RET: variants seen among roughly 807,000 people sequenced by gnomAD.
RET encodes the protein ret proto-oncogene.
In RET, 19 loss-of-function variants were observed where a neutral mutation model predicts 118.3. The observed-to-expected ratio is 0.16, with a 90% confidence interval of 0.11 to 0.24. The LOEUF is 0.24. Ranked by LOEUF, RET falls within the 10% of genes least tolerant of loss-of-function variation. The pLI, the probability that RET is intolerant of heterozygous loss-of-function variation, is 1.00. For missense variants in RET, 1,219 were observed against 1,502.1 expected (o/e 0.81, Z 3.12); for synonymous variants, 597 against 644.1 (o/e 0.93, Z 1.11).
intron 11 of RET, among the ~76,000 whole-genome samples, chr10:43,116,315 G>A (rs1838068679): frequency 6.6e-6 from 1 of 152,228 alleles, no homozygotes; most frequent in African/African-American, 2.4e-5. Context: ...GGTCAGGGGA[G>A]ACAGTAGACC....
At chr10:43,094,671 C>G (rs766440347) in intron 1 of RET, among the ~76,000 whole-genome samples, 12 of 152,180 alleles carry the variant, frequency 7.9e-5, no homozygotes, top group Non-Finnish European at 1.3e-4. Context: ...AGCTGGTGAG[C>G]CCCTGCCTCC....
At position 43,106,956 on chromosome 10, in the gene RET, C is replaced by T. The variant is rs1837795358; in HGVS notation, c.1063+385C>T. Among the ~76,000 whole-genome samples, 1 of 152,230 alleles carries T rather than the reference C, an allele frequency of 6.6e-6. No individual in the cohort carries two copies. Among genetic ancestry groups the T allele is most frequent in the African/African-American group, 2.4e-5 (1 of 41,454 alleles). ...AGTGCTTACGGATTATTGCTCCAGC[C>T]TCAGCAGCTCTCTGCTAAACAGGCT... On this transcript the variant is annotated intron_variant, in intron 5 of 19. Transcript: ENST00000355710. The surrounding 1 kb of genome is among the most constrained non-coding windows in gnomAD (Gnocchi z 5.1).
rs2133061789 is a variant in RET at position 43,129,871 on chromosome 10, A to G, written c.*1602A>G. On this transcript the variant is annotated 3_prime_UTR_variant, in exon 20 of 20. Coordinates refer to ENST00000355710, the MANE Select transcript of RET (RefSeq NM_020975.6). ...TGGGCTGTTTTTCAGATACACTGTG[A>G]TAAGTTCTTTTACAAATATCTATAG... 1 of 398,566 alleles carries G rather than the reference A, an allele frequency of 2.5e-6. No homozygotes were observed. 24.7% of individuals were successfully genotyped at this position (398,566 alleles called of 1,614,324 possible). A position where few individuals can be genotyped will look rare whatever the true frequency, so the allele number is the denominator to read the frequency against.
chr10:43,124,904 C>T lies in RET; in HGVS notation c.2961C>T (p.Cys987=). 6.2e-7 allele frequency: 1 copy of T among 1,614,166 alleles called. No individual in the cohort carries two copies. Among genetic ancestry groups the T allele is most frequent in the Non-Finnish European group, 8.5e-7 (1 of 1,180,052 alleles). ...CCAGGTACCGCCTGATGCTGCAATG[C>T]TGGAAGCAGGAGCCGGACAAAAGGC... ...SEEMYRLMLQ[C]WKQEPDKRPV... Residue 987 remains cysteine, a synonymous_variant, in exon 18 of 20, where the codon TGC becomes TGT. Coordinates refer to ENST00000355710, the MANE Select transcript of RET (RefSeq NM_020975.6).
At chr10:43,119,943 C>A (rs965949716) in intron 14 of RET, 138 bp from the exon 15 acceptor site, 3 of 1,383,046 alleles carry the variant, frequency 2.2e-6, no homozygotes, top group African/African-American at 2.9e-5. Context: ...ACGCCCCTGC[C>A]ATGCCACACC....
At chr10:43,086,136 T>C (rs1027841289) in intron 1 of RET, among the ~76,000 whole-genome samples, 2 of 152,014 alleles carry the variant, frequency 1.3e-5, no homozygotes, top group Non-Finnish European at 2.9e-5. Flanking sequence ...AGACTGCAGC[T>C]TAATTCCTAG....
chr10:43,111,067 A>G, intron 6 of RET, 140 bp from the exon 7 acceptor site: 1 of 1,180,500 alleles, frequency 8.5e-7, no homozygotes, highest in Non-Finnish European at 1.2e-6. Context: ...GGGGTGGAGG[A>G]CAGGGTGCTC....
chr10:43,107,570 C>A (rs1004310612), intron 5 of RET, among the ~76,000 whole-genome samples: 1 of 144,364 alleles, frequency 6.9e-6, no homozygotes, highest in Admixed American at 6.7e-5. Flanking sequence ...CACACACACA[C>A]ACACACACAC....
rs564667600 is a variant in RET at position 43,097,950 on chromosome 10, T to A, written c.74-2509T>A. Among the ~76,000 whole-genome samples the A allele has an allele frequency of 3.3e-5, 5 of 152,288 alleles. No individual in the cohort carries two copies. In the East Asian group the frequency reaches 9.6e-4, roughly 29 times the overall value. ...GATCGATTACATACAAGTGCAGTAT[T>A]CCTAATGTGTCCTTTGGATGTTGGT... On this transcript the variant is annotated intron_variant, in intron 1 of 19. Coordinates refer to ENST00000355710, the MANE Select transcript of RET (RefSeq NM_020975.6).
At chr10:43,124,290 C>T (rs1279130125) in intron 17 of RET, among the ~76,000 whole-genome samples, 1 of 152,150 alleles carries the variant, frequency 6.6e-6, no homozygotes, top group Non-Finnish European at 1.5e-5. Flanking sequence ...ATGCATGGTA[C>T]ATGCATTCCA....
chr10:43,090,415 A>G (rs1837386277), intron 1 of RET, among the ~76,000 whole-genome samples: 1 of 152,144 alleles, frequency 6.6e-6, no homozygotes, highest in South Asian at 2.1e-4. Context: ...GGGCTCTGTG[A>G]CAGAAGGCAG....
chr10:43,092,484 T>C (rs1837430734), intron 1 of RET, among the ~76,000 whole-genome samples: 5 of 152,278 alleles, frequency 3.3e-5, no homozygotes, highest in African/African-American at 1.2e-4. Flanking sequence ...TACCACAATT[T>C]AAAATAACTT....
At position 43,111,451 on chromosome 10, in the gene RET, C is replaced by G. The variant is rs1226167606; in HGVS notation, c.1508C>G (p.Thr503Arg). The G allele has an allele frequency of 6.2e-7, 1 of 1,613,254 alleles. No homozygotes were observed. Among genetic ancestry groups the G allele is most frequent in the Non-Finnish European group, 8.5e-7 (1 of 1,179,864 alleles). The change falls in exon 7 of 20, where the codon ACA becomes AGA. Residue 503 changes from threonine to arginine, a missense_variant. Thr to Arg is a moderately conservative substitution (Grantham distance 71, BLOSUM62 -1). Transcript: ENST00000355710. ...SRQAQAQLLV[T>R]VEGSYVAEEA... ...CAGGCCCAGGCCCAGCTGCTTGTAACAGTGGAGGGGTCATGTGAGTGCCTG... is the reference window on the plus strand; with the variant it reads ...CAGGCCCAGGCCCAGCTGCTTGTAAGAGTGGAGGGGTCATGTGAGTGCCTG...
intron 1 of RET, among the ~76,000 whole-genome samples, chr10:43,089,129 C>T (rs143283246): frequency 6.6e-5 from 10 of 152,374 alleles, no homozygotes; most frequent in African/African-American, 2.2e-4. Context: ...TCTCCTCCAT[C>T]CAGTGCTGGG....
intron 1 of RET, among the ~76,000 whole-genome samples, chr10:43,089,103 A>G (rs1837356592): frequency 6.6e-6 from 1 of 152,166 alleles, no homozygotes; most frequent in African/African-American, 2.4e-5. Flanking sequence ...TTGGCCCCTC[A>G]GCCTGGGCTA....
At position 43,106,337 on chromosome 10, in the gene RET, A is replaced by G. The variant is rs373468522; in HGVS notation, c.868-39A>G. 2.1e-4 allele frequency: 328 copies of G among 1,596,764 alleles called. No individual in the cohort carries two copies. The highest frequency in any genetic ancestry group is 2.7e-4 in the Non-Finnish European group (312 of 1,176,172). ...TGGTTTTGGGGGGTCTGAGGGGCCC[A>G]TCTCGCCTGCACTGACCAACGCCCT... On this transcript the variant is annotated intron_variant, in intron 4 of 19. Coordinates refer to ENST00000355710, the MANE Select transcript of RET (RefSeq NM_020975.6). This position sits in a 1 kb window ranked among gnomAD's most constrained non-coding sequence, Gnocchi z 5.1.
At chr10:43,116,245 A>G (rs1181967383) in intron 11 of RET, among the ~76,000 whole-genome samples, 1 of 152,196 alleles carries the variant, frequency 6.6e-6, no homozygotes, top group Non-Finnish European at 1.5e-5. Flanking sequence ...TGTCCTGGAC[A>G]CTTCCACTGT....
At chr10:43,126,944 A>G in intron 19 of RET, 1 of 1,425,848 alleles carries the variant, frequency 7.0e-7, no homozygotes, top group South Asian at 1.5e-5. Flanking sequence ...TAATTACCAC[A>G]TTGCCCAGCA....
chr10:43,083,091 C>T (rs116506183), intron 1 of RET, among the ~76,000 whole-genome samples: 7,179 of 152,218 alleles, frequency 0.047, 369 homozygotes, highest in African/African-American at 0.13. Context: ...TGGGCCTGGC[C>T]CTCCTCACCC....
Sources: allele counts gnomAD v4.1 joint callset (sites outside exome capture counted in the v4.1 genomes callset), GRCh38; gene constraint gnomAD v4.1.1; non-coding constraint Gnocchi (gnomAD v3.1); transcripts MANE v1.5; gene names NCBI Gene and HGNC (gene_info 2026-07-23, HGNC 2026-07-21).